LRBA: variants seen among roughly 807,000 people sequenced by gnomAD.
LRBA encodes LPS responsive beige-like anchor protein.
LRBA carries 176 observed loss-of-function variants against 330.0 expected under a neutral mutation model. The ratio of observed to expected loss-of-function variants is 0.53; its 90% CI spans 0.47 to 0.60. The LOEUF (loss-of-function observed/expected upper bound fraction) is 0.60. Among genes scored for constraint, LRBA ranks in the 20% least tolerant of loss-of-function variants. The pLI is 0.00. For missense variants in LRBA, 3,259 were observed against 3,444.8 expected, an observed-to-expected ratio of 0.95 and a Z score of 1.35; for synonymous variants, 1,230 against 1,193.0, an observed-to-expected ratio of 1.03 and a Z score of -0.64.
At chr4:150,920,240 A>T (rs1450552010) in intron 5 of LRBA, among the ~76,000 whole-genome samples, 3 of 152,186 alleles carry the variant, frequency 2.0e-5, no homozygotes, top group African/African-American at 2.4e-5. Flanking sequence ...GAATAGACTG[A>T]AATATCTTTT....
chr4:150,683,623 G>T lies in LRBA; in HGVS notation c.5849C>A (p.Ala1950Glu). The change falls in exon 37 of 57, where the codon GCA becomes GAA. Residue 1950 changes from alanine to glutamate, a missense_variant. By Grantham distance (107) the Ala-to-Glu change is moderately radical. Transcript: ENST00000651943. Reference protein sequence around the residue: ...RAAKYRDHVTATQLIQKIINI... With the variant: ...RAAKYRDHVTETQLIQKIINI... ...GATAATTTTCTGGATTAGTTGAGTT[G>T]CTGTCACGTGGTCACGATATTTTGC... The T allele has an allele frequency of 6.2e-7, 1 of 1,613,058 alleles. No homozygotes were observed. The highest frequency in any genetic ancestry group is 8.5e-7 in the Non-Finnish European group (1 of 1,179,198).
chr4:150,852,698 T>G lies in LRBA; in HGVS notation c.3012A>C (p.Ala1004=). 1 of 1,614,086 alleles carries G rather than the reference T, an allele frequency of 6.2e-7. No homozygotes were observed. Among genetic ancestry groups the G allele is most frequent in the South Asian group, 1.1e-5 (1 of 91,064 alleles). Residue 1004 remains alanine (A), a synonymous_variant, in exon 23 of 57, where the codon GCA becomes GCC. Transcript: ENST00000651943. ...TAGTAGTTTGCAGTTCAATATTAGATGCAGATTCTAGTGAACTTGTCTTCT... is the reference window on the plus strand; with the variant it reads ...TAGTAGTTTGCAGTTCAATATTAGAGGCAGATTCTAGTGAACTTGTCTTCT... ...SIEKTSSLES[A]SNIELQTTNT...
chr4:150,688,191 CAAG>C (rs1487212217), intron 36 of LRBA, among the ~76,000 whole-genome samples: 1 of 152,122 alleles, frequency 6.6e-6, no homozygotes, highest in African/African-American at 2.4e-5. Context: ...CTGACAAAAA[CAAG>C]AAATGGGGAA....
chr4:150,637,236 T>C (rs1336696640), intron 37 of LRBA, among the ~76,000 whole-genome samples: 5 of 152,168 alleles, frequency 3.3e-5, no homozygotes, highest in Admixed American at 3.3e-4. Context: ...AAGTATCAGT[T>C]TGCCACAAAA....
At chr4:150,882,762 C>A (rs1728537179) in intron 17 of LRBA, among the ~76,000 whole-genome samples, 1 of 152,154 alleles carries the variant, frequency 6.6e-6, no homozygotes, top group South Asian at 2.1e-4. Flanking sequence ...TAACTAGACT[C>A]AAATATTAAA....
chr4:150,904,926 A>C (rs892623837), intron 13 of LRBA, among the ~76,000 whole-genome samples: 1 of 152,164 alleles, frequency 6.6e-6, no homozygotes, highest in African/African-American at 2.4e-5. Flanking sequence ...TTAAACAATG[A>C]TAAACACTGC....
chr4:150,956,657 C>T (rs761720669), intron 2 of LRBA, among the ~76,000 whole-genome samples: 5 of 148,966 alleles, frequency 3.4e-5, no homozygotes, highest in Non-Finnish European at 7.4e-5. Context: ...AATCCAGGAA[C>T]ATATAAAAAC....
intron 35 of LRBA, among the ~76,000 whole-genome samples, chr4:150,750,187 T>A (rs1009527952): frequency 1.3e-5 from 2 of 152,212 alleles, no homozygotes; most frequent in Admixed American, 6.5e-5. Context: ...TTCTAAGCAT[T>A]TATTACTTTC....
chr4:150,808,207 T>C (rs1743086146), intron 32 of LRBA, 113 bp downstream of exon 32: 2 of 700,182 alleles, frequency 2.9e-6, no homozygotes, highest in Non-Finnish European at 4.9e-6. Context: ...GTCATATATG[T>C]TGAAAGAAAG....
intron 44 of LRBA, among the ~76,000 whole-genome samples, chr4:150,442,923 A>G (rs1306096285): frequency 6.6e-6 from 1 of 152,202 alleles, no homozygotes; most frequent in Non-Finnish European, 1.5e-5. Flanking sequence ...AGAAGACTCC[A>G]GGGAAAAACT....
intron 53 of LRBA, among the ~76,000 whole-genome samples, chr4:150,287,895 T>G (rs1244059107): frequency 6.6e-6 from 1 of 152,194 alleles, no homozygotes; most frequent in African/African-American, 2.4e-5. Context: ...GCAATTTTGT[T>G]TCTTACAAAG....
intron 35 of LRBA, among the ~76,000 whole-genome samples, chr4:150,739,923 T>C (rs1190263124): frequency 6.6e-6 from 1 of 152,204 alleles, no homozygotes; most frequent in Admixed American, 6.5e-5. Context: ...TGCAGCCTTG[T>C]AAGTGAACCT....
intron 53 of LRBA, among the ~76,000 whole-genome samples, chr4:150,294,160 A>G (rs536312246): frequency 1.2e-4 from 18 of 152,332 alleles, no homozygotes; most frequent in East Asian, 1.2e-3. Flanking sequence ...ATGGGTTTAT[A>G]TGAGTGTGTA....
chr4:150,865,823 C>A (rs891361325), intron 22 of LRBA, among the ~76,000 whole-genome samples: 1 of 150,484 alleles, frequency 6.6e-6, no homozygotes, highest in Non-Finnish European at 1.5e-5. Flanking sequence ...TCAAGCAATT[C>A]TCCTGCCTCG....
At chr4:150,568,563 A>G (rs1049743119) in intron 40 of LRBA, among the ~76,000 whole-genome samples, 6 of 152,156 alleles carry the variant, frequency 3.9e-5, no homozygotes, top group African/African-American at 1.4e-4. Flanking sequence ...TTTGAAGAGA[A>G]AAACTTTAGT....
intron 40 of LRBA, among the ~76,000 whole-genome samples, chr4:150,555,628 G>A (rs1230303604): frequency 1.3e-5 from 2 of 151,942 alleles, no homozygotes; most frequent in Non-Finnish European, 2.9e-5. Context: ...GCGCACGCCT[G>A]TAGTCTCAGC....
intron 39 of LRBA, among the ~76,000 whole-genome samples, chr4:150,588,730 T>C (rs1772433826): frequency 6.6e-6 from 1 of 152,198 alleles, no homozygotes; most frequent in African/African-American, 2.4e-5. Context: ...CTTTACCCCA[T>C]CAATGACTGG....
intron 34 of LRBA, among the ~76,000 whole-genome samples, chr4:150,766,515 C>T (rs924108351): frequency 4.6e-5 from 7 of 152,094 alleles, no homozygotes; most frequent in African/African-American, 1.7e-4. Context: ...AAGAATATTC[C>T]TGAACTATGC....
At chr4:150,779,291 A>G (rs1023869792) in intron 34 of LRBA, among the ~76,000 whole-genome samples, 2 of 152,112 alleles carry the variant, frequency 1.3e-5, no homozygotes, top group African/African-American at 4.8e-5. Flanking sequence ...CCAGAAATAC[A>G]TATGTGTTTC....
Sources: allele counts gnomAD v4.1 joint callset (sites outside exome capture counted in the v4.1 genomes callset), GRCh38; gene constraint gnomAD v4.1.1; transcripts MANE v1.5; gene names NCBI Gene and HGNC (gene_info 2026-07-23, HGNC 2026-07-21).